Variants in RIBC2 observed in about 807,000 individuals in gnomAD.
RIBC2 encodes RIB43A domain with coiled-coils 2.
Under a neutral mutation model 44.3 loss-of-function variants are expected in RIBC2, and 40 were observed. That is an observed-to-expected ratio of 0.90 (90% CI 0.70 to 1.18). The LOEUF (loss-of-function observed/expected upper bound fraction) is 1.18, where lower values mean the gene tolerates loss of function less well. RIBC2 is among the 50% of genes most tolerant of loss of function. The probability of loss-of-function intolerance (pLI) is 0.00; values close to 1 mark genes in which losing one functional copy is unlikely to be tolerated. For missense variants in RIBC2, 459 were observed against 485.5 expected (o/e 0.95, Z 0.51); for synonymous variants, 171 against 175.0 (o/e 0.98, Z 0.18).
Position 45,426,200 on chromosome 22 carries a change from G to C in RIBC2, c.903+25G>C, listed in dbSNP as rs1569210696. The C allele has an allele frequency of 1.9e-6, 3 of 1,587,938 alleles. 1 individual carries two copies. In the South Asian group the frequency reaches 3.4e-5, roughly 18 times the overall value. Reference sequence around the variant, plus strand: ...GGTGACTGCCCCGCCCCTTTTTCCAGAGCCCATAGAGCCAGGCTCTTTGCT... The same window carrying C: ...GGTGACTGCCCCGCCCCTTTTTCCACAGCCCATAGAGCCAGGCTCTTTGCT... On this transcript the variant is annotated intron_variant, in intron 5 of 6. Transcript: ENST00000614167.
rs576979039 is a variant in RIBC2 at position 45,427,673 on chromosome 22, C to G, written c.903+1498C>G. ...GTATTTTGAGACAGTCTCACTCTAT[C>G]ACCCTGGCTGGAGTGCAGTCATGCA... is the stretch of plus-strand genomic sequence containing the variant. On this transcript the variant is annotated intron_variant, in intron 5 of 6. Coordinates refer to ENST00000614167, the MANE Select transcript of RIBC2 (RefSeq NM_015653.5). Among the ~76,000 whole-genome samples, 5 of 152,340 alleles carry G rather than the reference C, an allele frequency of 3.3e-5. No homozygotes were observed. In the South Asian group the frequency reaches 1.0e-3, roughly 32 times the overall value.
At chr22:45,421,168 G>A (rs541593694) in intron 3 of RIBC2, among the ~76,000 whole-genome samples, 90 of 151,778 alleles carry the variant, frequency 5.9e-4, no homozygotes, top group Non-Finnish European at 1.1e-3. Flanking sequence ...GGTGGTGCGC[G>A]CCTGTAATCT....
In RIBC2 at chr22:45,431,563, A is replaced by T. The variant is rs1032270021; in HGVS notation, c.1070+497A>T. 2.3e-4 allele frequency among the ~76,000 whole-genome samples: 35 copies of T among 152,218 alleles called. 1 individual carries two copies. Among genetic ancestry groups the T allele is most frequent in the Admixed American group, 6.5e-5 (1 of 15,284 alleles). Reference sequence around the variant, plus strand: ...ACAGTATTTATTTACTTATTTATCTAGCTCTTGGCTTAAACTCAGGGGGGA... The same window carrying T: ...ACAGTATTTATTTACTTATTTATCTTGCTCTTGGCTTAAACTCAGGGGGGA... On this transcript the variant is annotated intron_variant, in intron 6 of 6. Transcript: ENST00000614167.
intron 5 of RIBC2, among the ~76,000 whole-genome samples, chr22:45,426,853 G>A (rs2087539359): frequency 6.6e-6 from 1 of 152,168 alleles, no homozygotes. Context: ...TGGGGGTGCT[G>A]AGCAATGGTC....
At chr22:45,427,102 T>C (rs547701340) in intron 5 of RIBC2, among the ~76,000 whole-genome samples, 7 of 152,312 alleles carry the variant, frequency 4.6e-5, no homozygotes, top group African/African-American at 1.7e-4. Context: ...CCATTAGATA[T>C]CTGTATCTAT....
chr22:45,424,579 G>A (rs1329910820), intron 4 of RIBC2, among the ~76,000 whole-genome samples: 3 of 152,166 alleles, frequency 2.0e-5, no homozygotes, highest in South Asian at 2.1e-4. Context: ...CTCCCTGCCC[G>A]CCATGGACAG....
intron 5 of RIBC2, among the ~76,000 whole-genome samples, chr22:45,429,949 C>T (rs1437573220): frequency 6.6e-6 from 1 of 152,196 alleles, no homozygotes; most frequent in Non-Finnish European, 1.5e-5. Context: ...GTTGAGATCT[C>T]ACCTCAAACA....
intron 5 of RIBC2, among the ~76,000 whole-genome samples, chr22:45,427,047 G>C (rs930934427): frequency 6.6e-6 from 1 of 152,134 alleles, no homozygotes; most frequent in Admixed American, 6.5e-5. Flanking sequence ...GTGGGGAGGG[G>C]TGGAAATCAG....
intron 3 of RIBC2, among the ~76,000 whole-genome samples, chr22:45,420,824 A>G (rs2087470446): frequency 6.6e-6 from 1 of 152,164 alleles, no homozygotes; most frequent in Non-Finnish European, 1.5e-5. Flanking sequence ...CTCTGCCAAG[A>G]TCTTTCTGAT....
At chr22:45,430,054 T>C (rs1401374252) in intron 5 of RIBC2, among the ~76,000 whole-genome samples, 1 of 152,168 alleles carries the variant, frequency 6.6e-6, no homozygotes, top group African/African-American at 2.4e-5. Flanking sequence ...CCTGGGCTCC[T>C]GAGAGCAGCC....
At chr22:45,429,000 C>G (rs969911640) in intron 5 of RIBC2, among the ~76,000 whole-genome samples, 4 of 152,030 alleles carry the variant, frequency 2.6e-5, no homozygotes, top group African/African-American at 7.2e-5. Context: ...AACCAGGGGG[C>G]CAGAGAGAGA....
At chr22:45,419,407 A>T (rs1209593728) in intron 3 of RIBC2, among the ~76,000 whole-genome samples, 1 of 149,822 alleles carries the variant, frequency 6.7e-6, no homozygotes, top group African/African-American at 2.4e-5. Flanking sequence ...TACTTTCCAC[A>T]CCCTCCAACA....
At position 45,417,618 on chromosome 22, in the gene RIBC2, A is replaced by G; in HGVS notation, c.228A>G (p.Gln76=). ...CTCTTCCAGCTGCTGAAATGAGGCA[A>G]AATGACAAAATCATGTGCATATTGG... ...RHETFAAEMR[Q]NDKIMCILEN... Residue 76 remains glutamine, a synonymous_variant, in exon 3 of 7, where the codon CAA becomes CAG. Coordinates refer to ENST00000614167, the MANE Select transcript of RIBC2 (RefSeq NM_015653.5). The G allele has an allele frequency of 6.2e-7, 1 of 1,610,312 alleles. No homozygotes were observed. The highest frequency in any genetic ancestry group is 1.1e-5 in the South Asian group (1 of 91,038).
intron 4 of RIBC2, among the ~76,000 whole-genome samples, chr22:45,425,698 C>T (rs186315948): frequency 1.3e-5 from 2 of 152,272 alleles, no homozygotes; most frequent in Admixed American, 6.5e-5. Context: ...GTGCAAGACC[C>T]GGAGCTCTTA....
chr22:45,421,111 C>T (rs963446771), intron 3 of RIBC2, among the ~76,000 whole-genome samples: 1 of 151,938 alleles, frequency 6.6e-6, no homozygotes, highest in Non-Finnish European at 1.5e-5. Context: ...GCCTGGCCAA[C>T]ATGGTGAAAC....
At position 45,432,165 on chromosome 22, in the gene RIBC2, C is replaced by T. The variant is rs1376831536; in HGVS notation, c.1071-119C>T. ...GGGCTCATTAGGTATGAAACGTATT[C>T]TGTATTTTGGGGATAACACACTAAT... On this transcript the variant is annotated intron_variant, in intron 6 of 6. Coordinates refer to ENST00000614167, the MANE Select transcript of RIBC2 (RefSeq NM_015653.5). 6.7e-6 allele frequency: 4 copies of T among 592,912 alleles called. No individual in the cohort carries two copies. In the Admixed American group the frequency reaches 1.3e-4, roughly 20 times the overall value. The allele number at this position is 592,912 out of a possible 1,614,324, so 36.7% of individuals were successfully genotyped here.
At chr22:45,428,917 T>C (rs1209310696) in intron 5 of RIBC2, among the ~76,000 whole-genome samples, 2 of 152,158 alleles carry the variant, frequency 1.3e-5, no homozygotes, top group Non-Finnish European at 2.9e-5. Context: ...TTCATTGTGG[T>C]CACCGCCTGC....
intron 3 of RIBC2, among the ~76,000 whole-genome samples, chr22:45,421,338 ATAATAAT>A (rs1421190960): frequency 1.2e-4 from 17 of 147,194 alleles, no homozygotes; most frequent in African/African-American, 3.7e-4. Context: ...ATTATTAATA[ATAATAAT>A]TAAATAATTA....
chr22:45,430,439 G>T (rs978686127), intron 5 of RIBC2, among the ~76,000 whole-genome samples: 2 of 152,184 alleles, frequency 1.3e-5, no homozygotes, highest in Non-Finnish European at 2.9e-5. Flanking sequence ...CTGTCACCGG[G>T]TGAGGCTGTG....
Sources: gnomAD v4.1 joint callset for allele counts (sites outside exome capture counted in the v4.1 genomes callset) on GRCh38, gnomAD v4.1.1 for gene constraint, MANE v1.5 for transcripts, NCBI Gene and HGNC (gene_info 2026-07-23, HGNC 2026-07-21) for gene names.